TEC: variants seen among roughly 807,000 people sequenced by gnomAD.
TEC encodes tec protein tyrosine kinase, also known as tyrosine-protein kinase Tec.
In TEC, 72 loss-of-function variants were observed where a neutral mutation model predicts 93.0. That is an observed-to-expected ratio of 0.77 (90% CI 0.64 to 0.94). The LOEUF (loss-of-function observed/expected upper bound fraction) is 0.94. Ranked by LOEUF, TEC falls within the 40% of genes least tolerant of loss-of-function variation. The probability of loss-of-function intolerance (pLI) is 0.00; values close to 1 mark genes in which losing one functional copy is unlikely to be tolerated. For synonymous variants in TEC, 249 were observed against 247.7 expected (o/e 1.01, Z -0.05); for missense variants, 630 against 757.9 (o/e 0.83, Z 1.98).
chr4:48,211,050 C>T (rs564648542), intron 2 of TEC, among the ~76,000 whole-genome samples: 1 of 152,140 alleles, frequency 6.6e-6, no homozygotes, highest in Non-Finnish European at 1.5e-5. Flanking sequence ...TTATTATTCT[C>T]CCCAGTTTAA....
chr4:48,168,725 A>G (rs1168028740), intron 5 of TEC, 99 bp from the exon 6 acceptor site: 2 of 1,277,862 alleles, frequency 1.6e-6, no homozygotes, highest in Non-Finnish European at 2.2e-6. Context: ...AAGTTAACAC[A>G]TAGACAAGCA....
At chr4:48,161,477 T>C (rs928328992) in intron 8 of TEC, among the ~76,000 whole-genome samples, 1 of 152,074 alleles carries the variant, frequency 6.6e-6, no homozygotes, top group African/African-American at 2.4e-5. Flanking sequence ...AGAACTAGGT[T>C]ACTGATAACA....
At position 48,215,259 on chromosome 4, in the gene TEC, C is replaced by T. The variant is rs552748181; in HGVS notation, c.138+13218G>A. Among the ~76,000 whole-genome samples, 3 of 152,342 alleles carry T rather than the reference C, an allele frequency of 2.0e-5. No homozygotes were observed. In the South Asian group the frequency reaches 6.2e-4, roughly 32 times the overall value. The stretch of plus-strand genomic sequence containing the variant: ...CAGTGGCTCACGCCTGTAATCTCAG[C>T]CCTTTGGGAGGCTGAGGTGGGTGGA... On this transcript the variant is annotated intron_variant, in intron 2 of 17. Transcript: ENST00000381501.
chr4:48,193,490 C>T (rs28496010), intron 2 of TEC, among the ~76,000 whole-genome samples: 66,196 of 151,624 alleles, frequency 0.44, 15,000 homozygotes, highest in Non-Finnish European at 0.49. Context: ...CATAGTAATA[C>T]CCAAGTGACA....
chr4:48,256,542 C>T (rs1724350736), intron 1 of TEC, among the ~76,000 whole-genome samples: 1 of 138,708 alleles, frequency 7.2e-6, no homozygotes, highest in Non-Finnish European at 1.5e-5. Context: ...CTGCAGTGAG[C>T]TGATATTGTG....
chr4:48,242,774 C>G (rs1286179160), intron 1 of TEC, among the ~76,000 whole-genome samples: 1 of 152,162 alleles, frequency 6.6e-6, no homozygotes, highest in Non-Finnish European at 1.5e-5. Flanking sequence ...CTCTCATGCT[C>G]TTGTCTCTTT....
At chr4:48,220,548 C>T (rs975830180) in intron 2 of TEC, among the ~76,000 whole-genome samples, 13 of 152,088 alleles carry the variant, frequency 8.5e-5, no homozygotes, top group African/African-American at 3.1e-4. Flanking sequence ...TTGCCTTCCA[C>T]CATGATTGTA....
chr4:48,209,581 C>G (rs1029434310), intron 2 of TEC, among the ~76,000 whole-genome samples: 1 of 152,092 alleles, frequency 6.6e-6, no homozygotes, highest in Admixed American at 6.5e-5. Context: ...CCAATACACT[C>G]CAGCCTGGGT....
At position 48,137,279 on chromosome 4, in the gene TEC, C is replaced by G. The variant is rs1053643428; in HGVS notation, c.*137G>C. The G allele has an allele frequency of 1.2e-4, 80 of 656,626 alleles. No homozygotes were observed. The highest frequency in any genetic ancestry group is 1.9e-4 in the Non-Finnish European group (73 of 384,576). The allele number at this position is 656,626 out of a possible 1,614,324, so 40.7% of individuals were successfully genotyped here. ...GAAGCAAGTCTAGACAGAGGCTGGT[C>G]TAGAAGCAAATTATTTATGTGTTTC... On this transcript the variant is annotated 3_prime_UTR_variant, in exon 18 of 18. Transcript: ENST00000381501.
intron 14 of TEC, 42 bp downstream of exon 14, chr4:48,145,037 G>T (rs1719844586): frequency 6.3e-7 from 1 of 1,576,214 alleles, no homozygotes; most frequent in Non-Finnish European, 8.7e-7. Context: ...GTGTTACAAA[G>T]GAATTCAGCC....
At chr4:48,229,557 C>G (rs1723586433) in intron 1 of TEC, among the ~76,000 whole-genome samples, 1 of 150,060 alleles carries the variant, frequency 6.7e-6, no homozygotes, top group Non-Finnish European at 1.5e-5. Context: ...GGGCAGATCA[C>G]TTTAGGTGAG....
chr4:48,138,596 T>C, intron 17 of TEC, 69 bp downstream of exon 17: 19 of 1,512,772 alleles, frequency 1.3e-5, no homozygotes, highest in Non-Finnish European at 1.6e-5. Context: ...CTATAAAGAC[T>C]GCATGTTATC....
In TEC at chr4:48,152,433, A is replaced by G. The variant is rs181390570; in HGVS notation, c.793-1491T>C. Among the ~76,000 whole-genome samples, 876 of 148,792 alleles carry G rather than the reference A, an allele frequency of 5.9e-3. 4 individuals are homozygous for G. Among genetic ancestry groups the G allele is most frequent in the Middle Eastern group, 0.028 (8 of 288 alleles). Reference sequence around the variant, plus strand: ...AGCCTGGGAGACAGAGAGAGATACTATCATAAATAAATAAATAAATAAATA... The same window carrying G: ...AGCCTGGGAGACAGAGAGAGATACTGTCATAAATAAATAAATAAATAAATA... On this transcript the variant is annotated intron_variant, in intron 9 of 17. Coordinates refer to ENST00000381501, the MANE Select transcript of TEC (RefSeq NM_003215.3).
intron 2 of TEC, among the ~76,000 whole-genome samples, chr4:48,187,433 C>CT (rs1721926525): frequency 3.3e-5 from 2 of 61,296 alleles, no homozygotes; most frequent in African/African-American, 1.5e-4. Flanking sequence ...TCAATAAATA[C>CT]TAAAAAAAAA....
intron 1 of TEC, among the ~76,000 whole-genome samples, chr4:48,229,488 C>T (rs1427566053): frequency 6.6e-6 from 1 of 152,244 alleles, no homozygotes; most frequent in Admixed American, 6.5e-5. Context: ...CTCCACTATG[C>T]CTTTAAAGAA....
At chr4:48,168,242 A>G (rs928969656) in intron 6 of TEC, among the ~76,000 whole-genome samples, 4 of 152,224 alleles carry the variant, frequency 2.6e-5, no homozygotes, top group Admixed American at 1.3e-4. Context: ...GCATATCATT[A>G]TATCAGTGAA....
At chr4:48,254,012 C>T (rs996876170) in intron 1 of TEC, among the ~76,000 whole-genome samples, 2 of 152,196 alleles carry the variant, frequency 1.3e-5, no homozygotes, top group Admixed American at 1.3e-4. Context: ...AGGCTCCTCC[C>T]TCTTTATCCA....
intron 14 of TEC, 44 bp downstream of exon 14, chr4:48,145,035 A>C (rs1719844436): frequency 6.4e-7 from 1 of 1,572,744 alleles, no homozygotes; most frequent in Non-Finnish European, 8.8e-7. Flanking sequence ...CAGTGTTACA[A>C]AGGAATTCAG....
At chr4:48,213,299 G>T (rs187092742) in intron 2 of TEC, among the ~76,000 whole-genome samples, 4 of 152,162 alleles carry the variant, frequency 2.6e-5, no homozygotes, top group African/African-American at 9.7e-5. Context: ...ATATTTTGTA[G>T]TATTTTCTTT....
Sources: gnomAD v4.1 joint callset for allele counts (sites outside exome capture counted in the v4.1 genomes callset) on GRCh38, gnomAD v4.1.1 for gene constraint, MANE v1.5 for transcripts, NCBI Gene and HGNC (gene_info 2026-07-23, HGNC 2026-07-21) for gene names.